Variants in PPL observed in about 807,000 individuals in gnomAD.
PPL encodes the protein 190 kDa paraneoplastic pemphigus antigen.
PPL carries 198 observed loss-of-function variants against 194.4 expected under a neutral mutation model. That is an observed-to-expected ratio of 1.02 (90% CI 0.91 to 1.15). The LOEUF (loss-of-function observed/expected upper bound fraction) is 1.15, where lower values mean the gene tolerates loss of function less well. PPL is among the 50% of genes most tolerant of loss of function. The probability of loss-of-function intolerance (pLI) is 0.00; values close to 1 mark genes in which losing one functional copy is unlikely to be tolerated. For missense variants in PPL, 2,885 were observed against 2,294.8 expected (o/e 1.26, Z -5.25); for synonymous variants, 1,220 against 972.4 (o/e 1.25, Z -4.74).
intron 9 of PPL, among the ~76,000 whole-genome samples, chr16:4,896,982 T>C (rs1205965585): frequency 6.6e-6 from 1 of 151,984 alleles, no homozygotes; most frequent in Non-Finnish European, 1.5e-5. Flanking sequence ...TGCAAGTAGA[T>C]GGTGGTGATG....
Position 4,899,223 on chromosome 16 carries a change from C to A in PPL, c.768G>T (p.Glu256Asp). The A allele has an allele frequency of 6.2e-7, 1 of 1,613,894 alleles. No individual in the cohort carries two copies. The change falls in exon 7 of 22, where the codon GAG (glutamate) becomes GAT (aspartate). Residue 256 changes from glutamate (E) to aspartate (D), a missense_variant and splice_region_variant. By Grantham distance (45) the Glu-to-Asp change is conservative. Coordinates refer to ENST00000345988, the MANE Select transcript of PPL (RefSeq NM_002705.5). ...LDYPSRRRQY[E>D]NFINRNLEAK... The stretch of plus-strand genomic sequence containing the variant: ...GATGCCCCAGGCCCCCAGAACCCAC[C>A]TCATACTGGCGCCGGCGGCTGGGGT...
chr16:4,920,345 G>GAGAAAGAAAGAAAGAAAGAAAGAAAA (rs2089020422), intron 1 of PPL, among the ~76,000 whole-genome samples: 1 of 25,078 alleles, frequency 4.0e-5, no homozygotes, highest in Non-Finnish European at 1.7e-4. Context: ...GAGAGAGAGA[G>GAGAAAGAAAGAAAGAAAGAAAGAAAA]AGAAAGAAAG....
At chr16:4,918,769 G>A (rs146820306) in intron 1 of PPL, among the ~76,000 whole-genome samples, 40 of 152,318 alleles carry the variant, frequency 2.6e-4, no homozygotes, top group African/African-American at 8.9e-4. Context: ...CATCCAGCTG[G>A]CCGCAGGAAT....
intron 14 of PPL, chr16:4,892,781 A>G (rs945283764): frequency 1.2e-5 from 2 of 167,234 alleles, no homozygotes; most frequent in South Asian, 1.9e-4. Flanking sequence ...AGGTGGGGGG[A>G]GGTGGCCCCT....
chr16:4,899,323 G>A lies in PPL; in HGVS notation c.668C>T (p.Thr223Ile), dbSNP rs1373735463. 3.1e-6 allele frequency: 5 copies of A among 1,613,618 alleles called. No homozygotes were observed. Among genetic ancestry groups the A allele is most frequent in the Admixed American group, 1.7e-5 (1 of 60,030 alleles). Residue 223 changes from threonine (T) to isoleucine (I), a missense_variant, in exon 7 of 22, where the codon ACC becomes ATC. Transcript: ENST00000345988. ...CTGGTCCAGCCAGTACAGCTCATTG[G>A]TGCAGCGCTGCATGTAGTCCTGCAG... ...SSLQDYMQRC[T>I]NELYWLDQQA...
chr16:4,912,474 C>T (rs780671905), intron 1 of PPL, among the ~76,000 whole-genome samples: 3 of 152,252 alleles, frequency 2.0e-5, no homozygotes, highest in Non-Finnish European at 2.9e-5. Flanking sequence ...GGGCCGTTTC[C>T]ACCTTTGGGC....
rs757325905 is a variant in PPL, at chr16:4,883,333, T to C, written c.*51A>G. ...GGACGACACCAAGGAGGTCACTGCG[T>C]CGTAGGAGAGGGCCAGCGTCTGCCG... is the stretch of plus-strand genomic sequence containing the variant. On this transcript the variant is annotated 3_prime_UTR_variant, in exon 22 of 22. Transcript: ENST00000345988. This position sits in a 1 kb window ranked among gnomAD's most constrained non-coding sequence, Gnocchi z 4.8. The C allele has an allele frequency of 1.4e-5, 23 of 1,607,636 alleles. No homozygotes were observed. In the Admixed American group the frequency reaches 3.9e-4, roughly 27 times the overall value.
chr16:4,920,374 C>T (rs1205720413), intron 1 of PPL, among the ~76,000 whole-genome samples: 1 of 43,236 alleles, frequency 2.3e-5, no homozygotes, highest in Non-Finnish European at 7.7e-5. Context: ...AAAGAAAGGA[C>T]ACCTCGGTCA....
At chr16:4,914,226 G>A (rs1022709414) in intron 1 of PPL, among the ~76,000 whole-genome samples, 2 of 152,198 alleles carry the variant, frequency 1.3e-5, no homozygotes, top group Non-Finnish European at 2.9e-5. Context: ...CAGCCCTTTC[G>A]AGTGATGCTC....
chr16:4,888,935 G>A, intron 19 of PPL, 43 bp downstream of exon 19: 2 of 1,579,224 alleles, frequency 1.3e-6, no homozygotes, highest in Non-Finnish European at 8.7e-7. Flanking sequence ...GGTGGAATAA[G>A]ACCCCTGCTG....
chr16:4,899,489 A>AGCCCAGCTATGGGTGGCCTGAGGACAG lies in PPL; in HGVS notation c.607-106_607-105insCTGTCCTCAGGCCACCCATAGCTGGGC, dbSNP rs2088508054. 3 of 1,463,892 alleles carry AGCCCAGCTATGGGTGGCCTGAGGACAG rather than the reference A, an allele frequency of 2.0e-6. No homozygotes were observed. In the Admixed American group the frequency reaches 7.0e-5, roughly 34 times the overall value. 90.7% of individuals were successfully genotyped at this position (1,463,892 alleles called of 1,614,324 possible). A position where few individuals can be genotyped will look rare whatever the true frequency, so the allele number is the denominator to read the frequency against. The stretch of plus-strand genomic sequence containing the variant: ...CCCAGCTATGGCTGGCCTGAGGACA[A>AGCCCAGCTATGGGTGGCCTGAGGACAG]GCCCAGCTATGGGTGGCCTGAGGAC... On this transcript the variant is annotated intron_variant, in intron 6 of 21. Coordinates refer to ENST00000345988, the MANE Select transcript of PPL (RefSeq NM_002705.5).
Position 4,890,708 on chromosome 16 carries a change from A to G in PPL, c.2162+20T>C, listed in dbSNP as rs1567995255. On this transcript the variant is annotated intron_variant, in intron 17 of 21. Coordinates refer to ENST00000345988, the MANE Select transcript of PPL (RefSeq NM_002705.5). ...GCATTCTCAGAAAACAAAAATGGCC[A>G]CCACCCACCGCACCCTCACCTGCGT... 1.9e-6 allele frequency: 3 copies of G among 1,581,596 alleles called. No individual in the cohort carries two copies. Among genetic ancestry groups the G allele is most frequent in the Middle Eastern group, 3.3e-4 (2 of 5,980 alleles).
Position 4,885,200 on chromosome 16 carries a change from G to A in PPL, c.3455C>T (p.Thr1152Met), listed in dbSNP as rs372313889. 11 of 1,613,848 alleles carry A rather than the reference G, an allele frequency of 6.8e-6. No individual in the cohort carries two copies. The highest frequency in any genetic ancestry group is 1.3e-5 in the African/African-American group (1 of 74,866). ...GGCCCATATCTTTCGGAGCAGCTCC[G>A]TCTTCTCCCTCTGGCTAGCGCGAGC... ...AKARASQREK[T>M]ELLRKIWALE... The change falls in exon 22 of 22, where the codon ACG becomes ATG. Residue 1152 changes from threonine to methionine, a missense_variant. By Grantham distance (81) the Thr-to-Met change is moderately conservative. Coordinates refer to ENST00000345988, the MANE Select transcript of PPL (RefSeq NM_002705.5). This position sits in a 1 kb window ranked among gnomAD's most constrained non-coding sequence, Gnocchi z 6.3.
chr16:4,884,477 T>TGCAGCCGCC lies in PPL; in HGVS notation c.4169_4177dup (p.Arg1390_Leu1392dup). The TGCAGCCGCC allele has an allele frequency of 1.9e-6, 3 of 1,603,504 alleles. No homozygotes were observed. Among genetic ancestry groups the TGCAGCCGCC allele is most frequent in the Non-Finnish European group, 2.5e-6 (3 of 1,177,694 alleles). ...CCGCTCAAGCTCGGTGCGCCGGCGC[T>TGCAGCCGCC]GCAGCCGCCGCAGCTCTGCCCGCAG... On this transcript the variant is annotated inframe_insertion, in exon 22 of 22. Coordinates refer to ENST00000345988, the MANE Select transcript of PPL (RefSeq NM_002705.5). This position sits in a 1 kb window ranked among gnomAD's most constrained non-coding sequence, Gnocchi z 5.7.
Position 4,895,362 on chromosome 16 carries a change from G to C in PPL, c.1141C>G (p.Leu381Val). Residue 381 changes from leucine (L) to valine (V), a missense_variant, in exon 11 of 22, where the codon CTG becomes GTG. Transcript: ENST00000345988. ...LDKYEDVVQG[L>V]QKRGQQVVPL... ...ACCACCTGCTGGCCTCGCTTCTGCA[G>C]CCCCTGCACCACGTCCTCATACTTG... 1 of 1,613,414 alleles carries C rather than the reference G, an allele frequency of 6.2e-7. No individual in the cohort carries two copies. Among genetic ancestry groups the C allele is most frequent in the Non-Finnish European group, 8.5e-7 (1 of 1,179,988 alleles).
rs1188467747 is a variant in PPL at position 4,890,353 on chromosome 16, C to T, written c.2163-19G>A. 1 of 1,589,330 alleles carries T rather than the reference C, an allele frequency of 6.3e-7. No homozygotes were observed. The highest frequency in any genetic ancestry group is 1.1e-5 in the South Asian group (1 of 88,282). Reference sequence around the variant, plus strand: ...CTGCGCCCTGTCAAGGCAAAGCGTTCAGGCCTCAGCCACAGCAAACAGATG... The same window carrying T: ...CTGCGCCCTGTCAAGGCAAAGCGTTTAGGCCTCAGCCACAGCAAACAGATG... On this transcript the variant is annotated intron_variant, in intron 17 of 21. Transcript: ENST00000345988.
At chr16:4,912,974 T>TGG (rs1568036978) in intron 1 of PPL, among the ~76,000 whole-genome samples, 2 of 151,836 alleles carry the variant, frequency 1.3e-5, no homozygotes, top group East Asian at 1.9e-4. Flanking sequence ...TGTGGTGGCA[T>TGG]GCGCCTGTAG....
intron 2 of PPL, among the ~76,000 whole-genome samples, chr16:4,908,522 T>C (rs939548308): frequency 6.6e-6 from 1 of 151,776 alleles, no homozygotes; most frequent in Non-Finnish European, 1.5e-5. Flanking sequence ...GGTGGAATTC[T>C]ACATGACTGA....
Position 4,884,340 on chromosome 16 carries a change from C to T in PPL, c.4315G>A (p.Glu1439Lys), listed in dbSNP as rs1376106059. Residue 1439 changes from glutamate to lysine, a missense_variant, in exon 22 of 22, where the codon GAG (glutamate) becomes AAG (lysine). Glu to Lys is a moderately conservative substitution (Grantham distance 56). Transcript: ENST00000345988. The surrounding 1 kb of genome is among the most constrained non-coding windows in gnomAD (Gnocchi z 5.7). Reference sequence around the variant, plus strand: ...ACCTTCTGCGTATGGGTTACCTTCTCACGGGCCTCAGCTTCTTCCTGCTCC... The same window carrying T: ...ACCTTCTGCGTATGGGTTACCTTCTTACGGGCCTCAGCTTCTTCCTGCTCC... ...ALEQEEAEAR[E>K]KVTHTQKVVL... The T allele has an allele frequency of 6.2e-7, 1 of 1,612,648 alleles. No individual in the cohort carries two copies. The highest frequency in any genetic ancestry group is 2.2e-5 in the East Asian group (1 of 44,882).
Sources: allele counts gnomAD v4.1 joint callset (sites outside exome capture counted in the v4.1 genomes callset), GRCh38; gene constraint gnomAD v4.1.1; non-coding constraint Gnocchi (gnomAD v3.1); transcripts MANE v1.5; gene names NCBI Gene and HGNC (gene_info 2026-07-23, HGNC 2026-07-21).